The following DPP8 variants were observed in gnomAD, a reference collection of about 807,000 sequenced individuals.
DPP8 encodes DPP VIII.
A neutral mutation model predicts 107.5 loss-of-function variants in DPP8; 31 were observed. The observed-to-expected ratio is 0.29, with a 90% CI of 0.22 to 0.39. The LOEUF (loss-of-function observed/expected upper bound fraction) is 0.39, where lower values mean the gene tolerates loss of function less well. DPP8 is among the 10% of genes least tolerant of loss of function. The pLI, the probability that DPP8 is intolerant of heterozygous loss-of-function variation, is 1.00. For synonymous variants in DPP8, 381 were observed against 356.6 expected (o/e 1.07, Z -0.77); for missense variants, 842 against 1,076.1 (o/e 0.78, Z 3.04).
chr15:65,455,967 A>G, intron 16 of DPP8: 1 of 895,642 alleles, frequency 1.1e-6, no homozygotes, highest in Non-Finnish European at 1.6e-6. Context: ...AAATGGTGCT[A>G]AATTCTACCC....
chr15:65,478,847 T>C (rs1482559183), intron 11 of DPP8, 33 bp downstream of exon 11: 4 of 1,504,594 alleles, frequency 2.7e-6, no homozygotes, highest in Non-Finnish European at 3.6e-6. Context: ...TTCCAACATT[T>C]TTTCTTTTTT....
At chr15:65,488,895 T>C (rs1429555750) in intron 6 of DPP8, among the ~76,000 whole-genome samples, 2 of 152,180 alleles carry the variant, frequency 1.3e-5, no homozygotes, top group Non-Finnish European at 2.9e-5. Context: ...TATACTGATT[T>C]GGTCATCTGT....
chr15:65,507,122 C>A, intron 3 of DPP8, 121 bp downstream of exon 3: 1 of 520,784 alleles, frequency 1.9e-6, no homozygotes, highest in South Asian at 3.6e-5. Context: ...CATGCAAAAA[C>A]ATAAAAACAT....
At chr15:65,459,977 T>C (rs971786289) in intron 15 of DPP8, among the ~76,000 whole-genome samples, 1 of 152,116 alleles carries the variant, frequency 6.6e-6, no homozygotes, top group Non-Finnish European at 1.5e-5. Context: ...ATTGTTTTAA[T>C]TGAATTGGCT....
At chr15:65,451,900 A>AAAT in intron 18 of DPP8, 60 bp downstream of exon 18, 2 of 1,471,896 alleles carry the variant, frequency 1.4e-6, no homozygotes, top group South Asian at 2.8e-5. Flanking sequence ...ACTCCAGCCT[A>AAAT]AGTGACAGAG....
intron 15 of DPP8, among the ~76,000 whole-genome samples, chr15:65,461,907 T>C (rs1212637127): frequency 6.7e-6 from 1 of 149,588 alleles, no homozygotes; most frequent in Non-Finnish European, 1.5e-5. Context: ...CCGACCGTTT[T>C]TTTTTTTTTA....
chr15:65,483,586 CAATAA>C (rs71139408), intron 8 of DPP8, among the ~76,000 whole-genome samples: 10,107 of 140,672 alleles, frequency 0.072, 500 homozygotes, highest in African/African-American at 0.14. Flanking sequence ...TTTCTTCAAA[CAATAA>C]AATAAAATAA....
At chr15:65,460,408 A>G (rs945198186) in intron 15 of DPP8, among the ~76,000 whole-genome samples, 2 of 152,200 alleles carry the variant, frequency 1.3e-5, no homozygotes, top group Non-Finnish European at 2.9e-5. Context: ...ATGCCTCTGC[A>G]TTATAGCCTG....
At chr15:65,473,338 A>G (rs1041925067) in intron 12 of DPP8, among the ~76,000 whole-genome samples, 6 of 151,916 alleles carry the variant, frequency 3.9e-5, no homozygotes, top group Non-Finnish European at 8.8e-5. Context: ...AAAAAAAAAA[A>G]AAGAAGAATA....
Position 65,487,787 on chromosome 15 carries a change from T to C in DPP8, c.858A>G (p.Leu286=), listed in dbSNP as rs749779466. The change falls in exon 7 of 20, where the codon CTA becomes CTG. Residue 286 remains leucine, a synonymous_variant. Transcript: ENST00000300141. Reference sequence around the variant, plus strand: ...CCTCAGATTCATCATTTTCTTCATATAGAATTCTAAGAATTTTACCACCAC... The same window carrying C: ...CCTCAGATTCATCATTTTCTTCATACAGAATTCTAAGAATTTTACCACCAC... ...TPSGGKILRI[L]YEENDESEVE... 7 of 1,580,870 alleles carry C rather than the reference T, an allele frequency of 4.4e-6. No individual in the cohort carries two copies. The South Asian group carries it at 5.6e-5, about 13-fold the overall frequency.
At chr15:65,450,204 G>C (rs2063873363) in intron 19 of DPP8, among the ~76,000 whole-genome samples, 1 of 152,158 alleles carries the variant, frequency 6.6e-6, no homozygotes, top group Non-Finnish European at 1.5e-5. Flanking sequence ...CTGACCTCAA[G>C]TGATCCACCT....
At chr15:65,503,442 C>T (rs763689724) in intron 3 of DPP8, among the ~76,000 whole-genome samples, 3 of 150,548 alleles carry the variant, frequency 2.0e-5, no homozygotes, top group African/African-American at 7.3e-5. Context: ...TTTTTTCTTT[C>T]TTTTCTTTTT....
intron 18 of DPP8, 115 bp from the exon 19 acceptor site, chr15:65,451,225 A>G (rs1390550452): frequency 1.5e-6 from 1 of 657,618 alleles, no homozygotes. Flanking sequence ...TAATGTTAGA[A>G]TAAGAATTCA....
chr15:65,482,161 T>C (rs925057593), intron 8 of DPP8, among the ~76,000 whole-genome samples: 2 of 151,972 alleles, frequency 1.3e-5, no homozygotes, highest in African/African-American at 2.4e-5. Flanking sequence ...GCCTCCTGAG[T>C]AGCTGAGACT....
chr15:65,463,097 T>C (rs1277428886), intron 15 of DPP8, among the ~76,000 whole-genome samples: 1 of 152,334 alleles, frequency 6.6e-6, no homozygotes, highest in East Asian at 1.9e-4. Flanking sequence ...TCTAAAAATA[T>C]CTGTTAAGAC....
intron 12 of DPP8, among the ~76,000 whole-genome samples, chr15:65,468,556 G>C (rs1184418046): frequency 6.6e-6 from 1 of 151,304 alleles, no homozygotes; most frequent in African/African-American, 2.4e-5. Context: ...ATTTCTAAAA[G>C]CAAGTTATTT....
intron 15 of DPP8, among the ~76,000 whole-genome samples, chr15:65,459,968 T>A (rs992360879): frequency 1.3e-5 from 2 of 151,692 alleles, no homozygotes; most frequent in Admixed American, 6.6e-5. Flanking sequence ...AAAAAAAAAA[T>A]TGTTTTAATT....
chr15:65,492,545 T>C (rs2068146190), intron 5 of DPP8, among the ~76,000 whole-genome samples: 1 of 152,172 alleles, frequency 6.6e-6, no homozygotes, highest in Non-Finnish European at 1.5e-5. Flanking sequence ...GTTCTCAATA[T>C]TTCTCACTGT....
intron 3 of DPP8, among the ~76,000 whole-genome samples, chr15:65,501,112 C>T (rs200959051): frequency 5.1e-4 from 78 of 152,082 alleles, no homozygotes; most frequent in East Asian, 4.4e-3. Flanking sequence ...CTCCTGACCT[C>T]GTGATCCGCC....
Sources: gnomAD v4.1 joint callset for allele counts (sites outside exome capture counted in the v4.1 genomes callset) on GRCh38, gnomAD v4.1.1 for gene constraint, MANE v1.5 for transcripts, NCBI Gene and HGNC (gene_info 2026-07-23, HGNC 2026-07-21) for gene names.